The following RAB3IP variants were observed in gnomAD, a reference collection of about 807,000 sequenced individuals.
RAB3IP encodes the protein rab-3A-interacting protein.
A neutral mutation model predicts 59.1 loss-of-function variants in RAB3IP; 36 were observed. The observed-to-expected ratio is 0.61, with a 90% confidence interval of 0.47 to 0.80. The LOEUF is 0.80. Ranked by LOEUF, RAB3IP falls within the 30% of genes least tolerant of loss-of-function variation. The pLI is 0.00. For synonymous variants in RAB3IP, 207 were observed against 191.2 expected, an observed-to-expected ratio of 1.08 and a Z score of -0.68; for missense variants, 511 against 536.0, an observed-to-expected ratio of 0.95 and a Z score of 0.46.
Position 69,756,465 on chromosome 12 carries a change from A to G in RAB3IP, c.312A>G (p.Lys104=), listed in dbSNP as rs1351927656. The G allele has an allele frequency of 1.9e-6, 3 of 1,614,136 alleles. No individual in the cohort carries two copies. The highest frequency in any genetic ancestry group is 1.7e-6 in the Non-Finnish European group (2 of 1,179,982). Residue 104 remains lysine (K), a synonymous_variant, in exon 3 of 11, where the codon AAA becomes AAG. Transcript: ENST00000247833. ...CTGGAGTCACAGCTGGATTAACTAAATTAACTACAAGAAAGGACAACTATA... is the reference window on the plus strand; with the variant it reads ...CTGGAGTCACAGCTGGATTAACTAAGTTAACTACAAGAAAGGACAACTATA... ...STSGVTAGLT[K]LTTRKDNYNA...
At chr12:69,758,494 C>T (rs1312875043) in intron 3 of RAB3IP, among the ~76,000 whole-genome samples, 1 of 152,040 alleles carries the variant, frequency 6.6e-6, no homozygotes, top group Admixed American at 6.6e-5. Flanking sequence ...ACATATTTAA[C>T]TTATCACTCT....
chr12:69,780,954 G>A (rs1346006530), intron 3 of RAB3IP, among the ~76,000 whole-genome samples: 4 of 151,772 alleles, frequency 2.6e-5, no homozygotes, highest in Non-Finnish European at 2.9e-5. Flanking sequence ...CCCTTTTCCT[G>A]TATCATTTGA....
At chr12:69,751,605 A>G (rs1361416566) in intron 1 of RAB3IP, among the ~76,000 whole-genome samples, 1 of 152,182 alleles carries the variant, frequency 6.6e-6, no homozygotes, top group African/African-American at 2.4e-5. Context: ...AAATGACATT[A>G]GCATAACTTA....
rs779570886 is a variant in RAB3IP at position 69,812,891 on chromosome 12, C to T, written c.1230+14C>T. The T allele has an allele frequency of 6.2e-7, 1 of 1,604,432 alleles. No homozygotes were observed. Among genetic ancestry groups the T allele is most frequent in the South Asian group, 1.1e-5 (1 of 90,872 alleles). ...TGCAGATACAGGGTAAGTGACTTAA[C>T]CATGAATTTTAATAAAGCTTGCTTT... On this transcript the variant is annotated intron_variant, in intron 9 of 10. Transcript: ENST00000247833.
At chr12:69,743,945 A>G (rs1388095432) in intron 1 of RAB3IP, among the ~76,000 whole-genome samples, 2 of 150,554 alleles carry the variant, frequency 1.3e-5, no homozygotes, top group East Asian at 4.0e-4. Flanking sequence ...AATATGTAAA[A>G]TGAAGCTTCC....
At chr12:69,746,483 C>T (rs1868358067) in intron 1 of RAB3IP, among the ~76,000 whole-genome samples, 1 of 152,132 alleles carries the variant, frequency 6.6e-6, no homozygotes. Context: ...CTCCTCTTCC[C>T]TCTTCCCTCC....
Position 69,813,047 on chromosome 12 carries a change from A to G in RAB3IP, c.1300+14A>G, listed in dbSNP as rs192556035. On this transcript the variant is annotated intron_variant, in intron 10 of 10. Coordinates refer to ENST00000247833, the MANE Select transcript of RAB3IP (RefSeq NM_022456.5). ...AACAGCAGGATGGTGAGTGTTCTTGATTCAATATAAGTCTTTACATAAAAG... is the reference window on the plus strand; with the variant it reads ...AACAGCAGGATGGTGAGTGTTCTTGGTTCAATATAAGTCTTTACATAAAAG... 4.6e-4 allele frequency: 738 copies of G among 1,589,692 alleles called. 4 individuals carry two copies. Among genetic ancestry groups the G allele is most frequent in the Non-Finnish European group, 1.9e-5 (22 of 1,161,706 alleles).
intron 3 of RAB3IP, among the ~76,000 whole-genome samples, chr12:69,781,742 C>T (rs1161050429): frequency 1.3e-5 from 2 of 152,166 alleles, no homozygotes; most frequent in African/African-American, 2.4e-5. Flanking sequence ...ATTTCACTGT[C>T]TGGATGTACC....
Position 69,815,457 on chromosome 12 carries a change from G to C in RAB3IP, c.*11G>C, listed in dbSNP as rs937729482. 1.1e-5 allele frequency: 17 copies of C among 1,586,356 alleles called. No homozygotes were observed. Among genetic ancestry groups the C allele is most frequent in the Non-Finnish European group, 1.4e-5 (16 of 1,155,328 alleles). On this transcript the variant is annotated 3_prime_UTR_variant, in exon 11 of 11. Transcript: ENST00000247833. Reference sequence around the variant, plus strand: ...AAAGAGGAACTCTGATGCTCTGCGTGGGACCATGCCTGAACTCCCCGAATA... The same window carrying C: ...AAAGAGGAACTCTGATGCTCTGCGTCGGACCATGCCTGAACTCCCCGAATA...
At chr12:69,761,171 A>T (rs1871252999) in intron 3 of RAB3IP, among the ~76,000 whole-genome samples, 1 of 152,198 alleles carries the variant, frequency 6.6e-6, no homozygotes, top group Non-Finnish European at 1.5e-5. Flanking sequence ...TTCTTCTGAA[A>T]TATCTAATCT....
At chr12:69,794,650 G>T (rs886910418) in intron 5 of RAB3IP, 136 bp downstream of exon 5, 10 of 621,846 alleles carry the variant, frequency 1.6e-5, no homozygotes, top group Non-Finnish European at 2.5e-5. Flanking sequence ...AAAAATAGAA[G>T]AAAATAGCTA....
chr12:69,739,145 TGCTGGC>T (rs1394086799), intron 1 of RAB3IP, 114 bp downstream of exon 1: 1 of 152,086 alleles, frequency 6.6e-6, no homozygotes, highest in Non-Finnish European at 1.5e-5. Context: ...CAGGTGCAGG[TGCTGGC>T]GCCGTGCAGG....
chr12:69,782,007 C>T (rs533273519), intron 3 of RAB3IP, among the ~76,000 whole-genome samples: 1 of 152,118 alleles, frequency 6.6e-6, no homozygotes, highest in African/African-American at 2.4e-5. Flanking sequence ...ATTAGAGTTC[C>T]TATTTGTTCA....
chr12:69,811,505 T>G (rs538312548), intron 8 of RAB3IP, among the ~76,000 whole-genome samples: 25 of 152,336 alleles, frequency 1.6e-4, no homozygotes, highest in Non-Finnish European at 3.2e-4. Flanking sequence ...TATGTCTGTT[T>G]CCAGAAGAAT....
chr12:69,785,438 C>T (rs1468384660), intron 4 of RAB3IP, among the ~76,000 whole-genome samples: 2 of 152,264 alleles, frequency 1.3e-5, no homozygotes, highest in South Asian at 2.1e-4. Context: ...GGAGTTGGCT[C>T]TTGCTGTTAT....
rs1477579177 is a variant in RAB3IP, at chr12:69,817,686, A to ACACACACACT, written c.*2241_*2242insACACACACTC. The ACACACACACT allele has an allele frequency of 6.7e-6, 1 of 149,276 alleles. No homozygotes were observed. Among genetic ancestry groups the ACACACACACT allele is most frequent in the East Asian group, 2.0e-4 (1 of 5,106 alleles). The allele number at this position is 149,276 out of a possible 1,614,324, so 9.2% of individuals were successfully genotyped here. A position where few individuals can be genotyped will look rare whatever the true frequency, so the allele number is the denominator to read the frequency against. On this transcript the variant is annotated 3_prime_UTR_variant, in exon 11 of 11. Coordinates refer to ENST00000247833, the MANE Select transcript of RAB3IP (RefSeq NM_022456.5). ...CACACACACACACACACACACACAC[A>ACACACACACT]CTGTGTCCATGAACTTGGGAGGATG...
At chr12:69,759,354 G>T (rs1398415256) in intron 3 of RAB3IP, among the ~76,000 whole-genome samples, 5 of 152,010 alleles carry the variant, frequency 3.3e-5, no homozygotes, top group Non-Finnish European at 7.4e-5. Flanking sequence ...TCTTAGTACA[G>T]AACAAAATGA....
Position 69,819,202 on chromosome 12 carries a change from C to G in RAB3IP, c.*3756C>G, listed in dbSNP as rs1269894190. ...TAGCTCAGTTATATGTGCCTTCATTCCAAAACAAAAAATAAAAGGTAAGAA... is the reference window on the plus strand; with the variant it reads ...TAGCTCAGTTATATGTGCCTTCATTGCAAAACAAAAAATAAAAGGTAAGAA... On this transcript the variant is annotated 3_prime_UTR_variant, in exon 11 of 11. Transcript: ENST00000247833. 1 of 151,966 alleles carries G rather than the reference C, an allele frequency of 6.6e-6. No individual in the cohort carries two copies. Among genetic ancestry groups the G allele is most frequent in the Non-Finnish European group, 1.5e-5 (1 of 67,990 alleles). 9.4% of individuals were successfully genotyped at this position (151,966 alleles called of 1,614,324 possible). A position where few individuals can be genotyped will look rare whatever the true frequency, so the allele number is the denominator to read the frequency against.
At chr12:69,768,127 G>T (rs1328521292) in intron 3 of RAB3IP, among the ~76,000 whole-genome samples, 1 of 151,900 alleles carries the variant, frequency 6.6e-6, no homozygotes, top group East Asian at 1.9e-4. Context: ...TAGTGGAGAG[G>T]ACCTCACTGT....
Sources: allele counts gnomAD v4.1 joint callset (sites outside exome capture counted in the v4.1 genomes callset), GRCh38; gene constraint gnomAD v4.1.1; transcripts MANE v1.5; gene names NCBI Gene and HGNC (gene_info 2026-07-23, HGNC 2026-07-21).